Variants in NLGN4Y observed in about 807,000 individuals in gnomAD.
NLGN4Y encodes the protein neuroligin-4, Y-linked.
A neutral mutation model predicts 8.4 loss-of-function variants in NLGN4Y; 4 were observed. The observed-to-expected ratio is 0.48, with a 90% confidence interval of 0.23 to 1.09. NLGN4Y has a LOEUF of 1.09. Ranked by LOEUF, NLGN4Y falls within the 50% of genes least tolerant of loss-of-function variation. The pLI is 0.19. For missense variants in NLGN4Y, 90 were observed against 192.3 expected (o/e 0.47, Z 3.15); for synonymous variants, 35 against 75.6 (o/e 0.46, Z 2.78).
At chrY:14,664,135 C>T (rs2080684979) in intron 2 of NLGN4Y, among the ~76,000 whole-genome samples, 1 of 33,121 alleles carries the variant, frequency 3.0e-5, no homozygotes. Flanking sequence ...TTGTTTTCTT[C>T]GGTACTACCT....
intron 1 of NLGN4Y, among the ~76,000 whole-genome samples, chrY:14,594,260 C>T: frequency 3.0e-5 from 1 of 33,688 alleles, no homozygotes; most frequent in Non-Finnish European, 7.3e-5. Context: ...TTGGGGGCTT[C>T]TGACCCAGGG....
intron 1 of NLGN4Y, among the ~76,000 whole-genome samples, chrY:14,547,202 G>C: frequency 3.0e-5 from 1 of 33,754 alleles, no homozygotes; most frequent in African/African-American, 1.2e-4. Context: ...TGGTGTGAGA[G>C]AATCTCACTT....
At chrY:14,578,812 G>T (rs2150484866) in intron 1 of NLGN4Y, among the ~76,000 whole-genome samples, 1 of 33,628 alleles carries the variant, frequency 3.0e-5, no homozygotes, top group East Asian at 7.8e-4. Flanking sequence ...ACCGTCTCAA[G>T]AATTTGTAAT....
intron 4 of NLGN4Y, among the ~76,000 whole-genome samples, chrY:14,742,448 A>G (rs774727814): frequency 2.1e-4 from 7 of 32,874 alleles, no homozygotes; most frequent in African/African-American, 8.2e-4. Context: ...AAGAATTACT[A>G]CACAAACAGT....
chrY:14,527,647 T>C, intron 1 of NLGN4Y, among the ~76,000 whole-genome samples: 2 of 33,667 alleles, frequency 5.9e-5, no homozygotes, highest in Admixed American at 2.7e-4. Context: ...CCACCTTTTA[T>C]TTCTTAAACC....
intron 4 of NLGN4Y, among the ~76,000 whole-genome samples, chrY:14,758,482 A>G (rs2081070490): frequency 1.5e-4 from 5 of 33,727 alleles, no homozygotes; most frequent in South Asian, 6.6e-4. Context: ...AGGAGTGACT[A>G]CGGTTTGAGA....
intron 2 of NLGN4Y, among the ~76,000 whole-genome samples, chrY:14,665,511 T>C (rs765139330): frequency 5.9e-5 from 2 of 33,753 alleles, no homozygotes; most frequent in South Asian, 1.3e-3. Context: ...AACTGAGCTA[T>C]GTGTTAGATG....
intron 5 of NLGN4Y, among the ~76,000 whole-genome samples, chrY:14,826,338 CTT>C (rs1219462661): frequency 5.0e-4 from 11 of 22,081 alleles, no homozygotes; most frequent in Admixed American, 4.5e-3. Flanking sequence ...TCTTTCTTTT[CTT>C]TTTTTTTTTT....
intron 5 of NLGN4Y, among the ~76,000 whole-genome samples, chrY:14,828,462 A>G (rs2043157680): frequency 3.1e-5 from 1 of 32,734 alleles, no homozygotes; most frequent in African/African-American, 1.2e-4. Flanking sequence ...AACTAATGAA[A>G]GTATCCAACA....
intron 2 of NLGN4Y, among the ~76,000 whole-genome samples, chrY:14,683,532 T>C: frequency 6.0e-5 from 2 of 33,546 alleles, no homozygotes. Context: ...TCTGATACAT[T>C]CTTCCAGTCA....
At chrY:14,764,339 T>C (rs2081088408) in intron 4 of NLGN4Y, among the ~76,000 whole-genome samples, 1 of 33,685 alleles carries the variant, frequency 3.0e-5, no homozygotes, top group Admixed American at 2.7e-4. Context: ...TCTGCAGCCC[T>C]TATCTTTTTC....
chrY:14,524,383 C>T (rs2080082827), upstream of NLGN4Y: 1 of 88,967 alleles, frequency 1.1e-5, no homozygotes, highest in East Asian at 3.0e-4. Context: ...CCTCCCGCAC[C>T]ATCCCATCTC....
intron 2 of NLGN4Y, among the ~76,000 whole-genome samples, chrY:14,681,406 A>C: frequency 3.1e-5 from 1 of 32,606 alleles, no homozygotes; most frequent in Non-Finnish European, 7.5e-5. Flanking sequence ...TTAGGGGGGA[A>C]CTGCCCCCAT....
At chrY:14,547,347 G>A in intron 1 of NLGN4Y, among the ~76,000 whole-genome samples, 1 of 33,719 alleles carries the variant, frequency 3.0e-5, no homozygotes, top group Non-Finnish European at 7.3e-5. Context: ...TAATATGAAA[G>A]CCACACACTC....
chrY:14,559,716 G>A, intron 1 of NLGN4Y, among the ~76,000 whole-genome samples: 1 of 33,028 alleles, frequency 3.0e-5, no homozygotes. Context: ...GGCAGAGAGG[G>A]TTTATATTCA....
chrY:14,757,206 C>G (rs2081063826), intron 4 of NLGN4Y, among the ~76,000 whole-genome samples: 1 of 31,234 alleles, frequency 3.2e-5, no homozygotes, highest in African/African-American at 1.3e-4. Flanking sequence ...CATTTTCAAG[C>G]TTCATTCTGG....
At chrY:14,701,237 A>T (rs2080847804) in intron 2 of NLGN4Y, among the ~76,000 whole-genome samples, 1 of 31,647 alleles carries the variant, frequency 3.2e-5, no homozygotes, top group South Asian at 7.5e-4. Flanking sequence ...GCACAATGAC[A>T]TGGTCATGAC....
At chrY:14,797,457 C>A (rs2043016323) in intron 4 of NLGN4Y, among the ~76,000 whole-genome samples, 1 of 31,835 alleles carries the variant, frequency 3.1e-5, no homozygotes, top group Non-Finnish European at 7.6e-5. Flanking sequence ...CCACCATGCC[C>A]GGCTAATTTT....
chrY:14,760,643 T>A (rs939436387), intron 4 of NLGN4Y, among the ~76,000 whole-genome samples: 8 of 33,925 alleles, frequency 2.4e-4, no homozygotes, highest in Non-Finnish European at 7.3e-5. Context: ...TCTTTTGTTA[T>A]GTTGTTTTTC....
Sources: allele counts gnomAD v4.1 joint callset (sites outside exome capture counted in the v4.1 genomes callset), GRCh38; gene constraint gnomAD v4.1.1; transcripts MANE v1.5; gene names NCBI Gene and HGNC (gene_info 2026-07-23, HGNC 2026-07-21).